MRTFA: variants seen among roughly 807,000 people sequenced by gnomAD.
The protein encoded by MRTFA is myocardin related transcription factor A.
Under a neutral mutation model 83.5 loss-of-function variants are expected in MRTFA, and 20 were observed. The observed-to-expected ratio is 0.24, with a 90% CI of 0.17 to 0.35. The LOEUF (loss-of-function observed/expected upper bound fraction) is 0.35, where lower values mean the gene tolerates loss of function less well. MRTFA is among the 10% of genes least tolerant of loss of function. The pLI is 1.00. For synonymous variants in MRTFA, 659 were observed against 541.2 expected (o/e 1.22, Z -3.02); for missense variants, 1,200 against 1,224.7 (o/e 0.98, Z 0.30).
intron 3 of MRTFA, among the ~76,000 whole-genome samples, chr22:40,525,963 A>G (rs2054963863): frequency 6.6e-6 from 1 of 152,200 alleles, no homozygotes; most frequent in Non-Finnish European, 1.5e-5. Context: ...GGAAAATAAA[A>G]GCAAGGTTTT....
chr22:40,529,652 A>G (rs2055040864), intron 3 of MRTFA, among the ~76,000 whole-genome samples: 1 of 152,198 alleles, frequency 6.6e-6, no homozygotes, highest in African/African-American at 2.4e-5. Flanking sequence ...ATAAAACCAA[A>G]AAGATTTTAA....
intron 2 of MRTFA, among the ~76,000 whole-genome samples, chr22:40,559,964 T>C (rs1289357543): frequency 6.6e-6 from 1 of 152,182 alleles, no homozygotes; most frequent in Non-Finnish European, 1.5e-5. Context: ...AATTTACACA[T>C]ATATCTATAC....
At chr22:40,584,108 GA>G (rs1053631639) in intron 2 of MRTFA, among the ~76,000 whole-genome samples, 43 of 152,180 alleles carry the variant, frequency 2.8e-4, no homozygotes, top group Middle Eastern at 3.4e-3. Flanking sequence ...CAGTAGATGG[GA>G]AAAAAATCAG....
intron 3 of MRTFA, chr22:40,519,754 A>C: frequency 2.3e-6 from 1 of 438,226 alleles, no homozygotes; most frequent in South Asian, 2.4e-5. Context: ...CCTAAGAGCA[A>C]AGTCTGAGTG....
At position 40,584,730 on chromosome 22, in the gene MRTFA, C is replaced by CAAA. The variant is rs58633243; in HGVS notation, c.-22+9941_-22+9943dup. ...GGGCAACAAGAGTGAGACTCTGTCTCAAAAAAAAAAAAAAAAAAAGCCAAG... is the reference window on the plus strand; with the variant it reads ...GGGCAACAAGAGTGAGACTCTGTCTCAAAAAAAAAAAAAAAAAAAAAAGCCAAG... On this transcript the variant is annotated intron_variant, in intron 2 of 14. Transcript: ENST00000355630. 2.7e-3 allele frequency among the ~76,000 whole-genome samples: 152 copies of CAAA among 57,004 alleles called. 3 individuals are homozygous for CAAA. Among genetic ancestry groups the CAAA allele is most frequent in the Middle Eastern group, 0.01 (1 of 98 alleles). The allele number at this position is 57,004 out of a possible 152,430, so 37.4% of individuals were successfully genotyped here. A position where few individuals can be genotyped will look rare whatever the true frequency, so the allele number is the denominator to read the frequency against.
chr22:40,494,680 A>G (rs890802005), intron 3 of MRTFA, among the ~76,000 whole-genome samples: 1 of 107,944 alleles, frequency 9.3e-6, no homozygotes, highest in African/African-American at 3.6e-5. Context: ...GACTCTGTCT[A>G]AAAAAAAAAA....
intron 3 of MRTFA, among the ~76,000 whole-genome samples, chr22:40,467,463 G>A (rs1288198260): frequency 1.3e-5 from 2 of 151,952 alleles, no homozygotes; most frequent in Non-Finnish European, 2.9e-5. Context: ...TTAATTCTAA[G>A]CATTCTAAAC....
intron 4 of MRTFA, among the ~76,000 whole-genome samples, chr22:40,451,583 C>T (rs1368161732): frequency 6.6e-6 from 1 of 152,200 alleles, no homozygotes; most frequent in Non-Finnish European, 1.5e-5. Flanking sequence ...GTCTCCTGCT[C>T]TTGACCCACT....
chr22:40,535,152 C>T (rs1453973180), intron 3 of MRTFA, among the ~76,000 whole-genome samples: 1 of 152,100 alleles, frequency 6.6e-6, no homozygotes, highest in African/African-American at 2.4e-5. Flanking sequence ...AAAGCAGAAG[C>T]ATCTCACTGG....
chr22:40,552,533 C>T (rs1053755723), intron 2 of MRTFA, among the ~76,000 whole-genome samples, 166 bp from the exon 3 acceptor site: 4 of 152,146 alleles, frequency 2.6e-5, no homozygotes, highest in Non-Finnish European at 5.9e-5. Context: ...TACCTCCGTG[C>T]TATTCTCATG....
At chr22:40,499,258 A>G (rs2054413956) in intron 3 of MRTFA, among the ~76,000 whole-genome samples, 1 of 152,202 alleles carries the variant, frequency 6.6e-6, no homozygotes, top group South Asian at 2.1e-4. Flanking sequence ...AATAAAATCT[A>G]TCACCCAAAA....
chr22:40,500,447 A>T (rs1246775293), intron 3 of MRTFA, among the ~76,000 whole-genome samples: 1 of 130,792 alleles, frequency 7.6e-6, no homozygotes, highest in South Asian at 2.3e-4. Context: ...ACAGAGGGGG[A>T]TTTGGCAGGG....
At chr22:40,486,265 T>C (rs1190075854) in intron 3 of MRTFA, among the ~76,000 whole-genome samples, 1 of 152,236 alleles carries the variant, frequency 6.6e-6, no homozygotes, top group Non-Finnish European at 1.5e-5. Context: ...CAGTTTCAGA[T>C]TGTTCCCCAC....
At chr22:40,557,614 A>C (rs532431432) in intron 2 of MRTFA, among the ~76,000 whole-genome samples, 5 of 152,276 alleles carry the variant, frequency 3.3e-5, no homozygotes, top group African/African-American at 1.2e-4. Context: ...CTTTTTTAAA[A>C]AAAATTTTAA....
chr22:40,437,243 G>T (rs1333917953), intron 4 of MRTFA, among the ~76,000 whole-genome samples: 1 of 152,128 alleles, frequency 6.6e-6, no homozygotes, highest in Non-Finnish European at 1.5e-5. Flanking sequence ...CCCTGCACCT[G>T]CTTCTACTGT....
rs980092334 is a variant in MRTFA, at chr22:40,416,765, G to A, written c.2578+221C>T. ...ATGTCTCTTCTGTTCGTTGGGAGGC[G>A]AGGGCCTTGGGGCAGTGCTTCCAGC... On this transcript the variant is annotated intron_variant, in intron 14 of 14. Transcript: ENST00000355630. The surrounding 1 kb of genome is among the most constrained non-coding windows in gnomAD (Gnocchi z 4.2). 4.6e-5 allele frequency among the ~76,000 whole-genome samples: 7 copies of A among 152,226 alleles called. No individual in the cohort carries two copies. The highest frequency in any genetic ancestry group is 3.9e-4 in the East Asian group (2 of 5,194).
intron 4 of MRTFA, among the ~76,000 whole-genome samples, chr22:40,436,712 A>G (rs569467396): frequency 6.6e-6 from 1 of 152,316 alleles, no homozygotes. Flanking sequence ...GACTCACTTC[A>G]AGTAGGGAAC....
chr22:40,562,130 C>T (rs143126305), intron 2 of MRTFA, among the ~76,000 whole-genome samples: 111 of 151,440 alleles, frequency 7.3e-4, no homozygotes, highest in Non-Finnish European at 1.3e-3. Flanking sequence ...GGCCGGAGAA[C>T]GGCGTGAACC....
intron 1 of MRTFA, among the ~76,000 whole-genome samples, chr22:40,606,906 CA>C (rs1261608072): frequency 2.6e-5 from 4 of 152,134 alleles, no homozygotes; most frequent in African/African-American, 9.7e-5. Flanking sequence ...GACTCATGTA[CA>C]AAAATCATTA....
Sources: gnomAD v4.1 joint callset for allele counts (sites outside exome capture counted in the v4.1 genomes callset) on GRCh38, gnomAD v4.1.1 for gene constraint, Gnocchi (gnomAD v3.1) non-coding constraint, MANE v1.5 for transcripts, NCBI Gene and HGNC (gene_info 2026-07-23, HGNC 2026-07-21) for gene names.